Variants in AGBL4 observed in about 807,000 individuals in gnomAD.
AGBL4 encodes the protein AGBL carboxypeptidase 4.
A neutral mutation model predicts 66.4 loss-of-function variants in AGBL4; 58 were observed. That is an observed-to-expected ratio of 0.87 (90% CI 0.71 to 1.09). The LOEUF (loss-of-function observed/expected upper bound fraction) is 1.09, where lower values mean the gene tolerates loss of function less well. AGBL4 is among the 50% of genes least tolerant of loss of function. The pLI is 0.00. For synonymous variants in AGBL4, 234 were observed against 222.9 expected, an observed-to-expected ratio of 1.05 and a Z score of -0.44; for missense variants, 579 against 631.0, an observed-to-expected ratio of 0.92 and a Z score of 0.88.
At chr1:48,742,827 T>G in intron 6 of AGBL4, 1 of 1,424,168 alleles carries the variant, frequency 7.0e-7, no homozygotes. Flanking sequence ...AAAAGGCAAA[T>G]ATTTTTAACT....
chr1:48,650,015 A>T (rs1056675882), intron 8 of AGBL4, among the ~76,000 whole-genome samples: 1 of 152,204 alleles, frequency 6.6e-6, no homozygotes, highest in Non-Finnish European at 1.5e-5. Flanking sequence ...TTTCTCAACC[A>T]CTGACCTTTA....
chr1:49,958,281 C>T (rs144786987), intron 1 of AGBL4, among the ~76,000 whole-genome samples: 8,169 of 152,080 alleles, frequency 0.054, 242 homozygotes, highest in African/African-American at 0.073. Context: ...TTCTCTCTGG[C>T]TGCCCTGAAT....
chr1:48,898,421 G>C lies in AGBL4; in HGVS notation c.595-31191C>G, dbSNP rs902674088. 3.9e-5 allele frequency among the ~76,000 whole-genome samples: 6 copies of C among 152,252 alleles called. No individual in the cohort carries two copies. The South Asian group carries it at 1.2e-3, about 32-fold the overall frequency. ...AGCACTTCCCCAGTGTGTTCTTCTA[G>C]TTTCATAGTTTCAGGTCTTAGATTT... On this transcript the variant is annotated intron_variant, in intron 5 of 13. Coordinates refer to ENST00000371839, the MANE Select transcript of AGBL4 (RefSeq NM_032785.4).
At chr1:49,987,457 G>A (rs1659592588) in intron 1 of AGBL4, among the ~76,000 whole-genome samples, 1 of 151,766 alleles carries the variant, frequency 6.6e-6, no homozygotes, top group Non-Finnish European at 1.5e-5. Context: ...TGGGATTCAG[G>A]GATCTTTTAT....
chr1:49,449,475 A>G (rs906175345), intron 3 of AGBL4, among the ~76,000 whole-genome samples: 9 of 152,084 alleles, frequency 5.9e-5, no homozygotes, highest in African/African-American at 1.9e-4. Flanking sequence ...CTCAGAAGGC[A>G]TATTCCCTCA....
intron 4 of AGBL4, among the ~76,000 whole-genome samples, chr1:49,108,601 G>C (rs577061372): frequency 6.6e-6 from 1 of 152,198 alleles, no homozygotes; most frequent in Non-Finnish European, 1.5e-5. Flanking sequence ...AGTGAGCAAA[G>C]CATGCTGGGA....
chr1:49,765,940 A>G (rs963246877), intron 2 of AGBL4, among the ~76,000 whole-genome samples: 5 of 152,202 alleles, frequency 3.3e-5, no homozygotes, highest in African/African-American at 1.2e-4. Flanking sequence ...GGAATTATGT[A>G]AAGTGATGAA....
chr1:49,563,236 C>T (rs1644100280), intron 3 of AGBL4, among the ~76,000 whole-genome samples: 1 of 151,780 alleles, frequency 6.6e-6, no homozygotes, highest in Admixed American at 6.6e-5. Flanking sequence ...TCTAGATATA[C>T]AATCATGTCA....
chr1:48,714,065 AAAG>A (rs1647008915), intron 6 of AGBL4, among the ~76,000 whole-genome samples: 1 of 152,192 alleles, frequency 6.6e-6, no homozygotes, highest in African/African-American at 2.4e-5. Flanking sequence ...ATCTTTAGAG[AAAG>A]AAGGTCGAAA....
At chr1:48,612,485 T>C (rs542147259) in intron 9 of AGBL4, among the ~76,000 whole-genome samples, 1 of 152,246 alleles carries the variant, frequency 6.6e-6, no homozygotes, top group East Asian at 1.9e-4. Context: ...GTTATAGAGA[T>C]GAAGGTCAAG....
chr1:49,086,298 C>T (rs1005149132), intron 4 of AGBL4, among the ~76,000 whole-genome samples: 2 of 152,146 alleles, frequency 1.3e-5, no homozygotes, highest in African/African-American at 2.4e-5. Flanking sequence ...ACTGGCAACA[C>T]CTGCTACAGC....
In AGBL4 at chr1:49,008,245, G is replaced by C. The variant is rs1049373059; in HGVS notation, c.594+37339C>G. Among the ~76,000 whole-genome samples the C allele has an allele frequency of 2.6e-5, 4 of 151,816 alleles. No homozygotes were observed. The South Asian group carries it at 6.3e-4, about 24-fold the overall frequency. On this transcript the variant is annotated intron_variant, in intron 5 of 13. Transcript: ENST00000371839. ...TGCAATCCTAGTCTCTGATAAAACA[G>C]ACTTTAAACCAACAAAGATCAAAAG...
chr1:48,845,293 C>T (rs1646885328), intron 6 of AGBL4, among the ~76,000 whole-genome samples: 1 of 152,182 alleles, frequency 6.6e-6, no homozygotes, highest in Admixed American at 6.5e-5. Flanking sequence ...AGGTGACTTA[C>T]ATTTACTTTA....
At chr1:49,321,067 A>G (rs1445168383) in intron 3 of AGBL4, among the ~76,000 whole-genome samples, 2 of 152,156 alleles carry the variant, frequency 1.3e-5, no homozygotes, top group African/African-American at 4.8e-5. Flanking sequence ...ATTGAAGATG[A>G]AAATTGGGTG....
intron 3 of AGBL4, among the ~76,000 whole-genome samples, chr1:49,421,710 T>C (rs1371707670): frequency 1.3e-5 from 2 of 152,194 alleles, no homozygotes; most frequent in African/African-American, 4.8e-5. Flanking sequence ...TAATTCTACC[T>C]GTATTAGTTT....
intron 8 of AGBL4, among the ~76,000 whole-genome samples, chr1:48,649,976 T>C (rs1645900566): frequency 6.6e-6 from 1 of 152,216 alleles, no homozygotes; most frequent in Non-Finnish European, 1.5e-5. Flanking sequence ...TAGAGCAGAA[T>C]TGAAATCTGA....
chr1:49,841,192 T>A (rs1645980022), intron 2 of AGBL4, among the ~76,000 whole-genome samples: 1 of 152,212 alleles, frequency 6.6e-6, no homozygotes, highest in East Asian at 1.9e-4. Context: ...GTAGCATCTC[T>A]ATAAACCAAT....
At chr1:48,908,211 T>C (rs1237171973) in intron 5 of AGBL4, among the ~76,000 whole-genome samples, 2 of 152,134 alleles carry the variant, frequency 1.3e-5, no homozygotes, top group Admixed American at 6.5e-5. Context: ...AGCTGACATC[T>C]TGTAATTATG....
At chr1:49,985,259 AT>A (rs1047171870) in intron 1 of AGBL4, among the ~76,000 whole-genome samples, 3 of 152,154 alleles carry the variant, frequency 2.0e-5, no homozygotes, top group Non-Finnish European at 4.4e-5. Flanking sequence ...AATTGAAATT[AT>A]TTTTTAAAAT....
Sources: gnomAD v4.1 joint callset for allele counts (sites outside exome capture counted in the v4.1 genomes callset) on GRCh38, gnomAD v4.1.1 for gene constraint, MANE v1.5 for transcripts, NCBI Gene and HGNC (gene_info 2026-07-23, HGNC 2026-07-21) for gene names.